RTL4: variants seen among roughly 807,000 people sequenced by gnomAD.
RTL4 encodes the protein retrotransposon Gag-like protein 4.
Under a neutral mutation model 5.3 loss-of-function variants are expected in RTL4, and 4 were observed. That is an observed-to-expected ratio of 0.75 (90% CI 0.37 to 1.72). The LOEUF (loss-of-function observed/expected upper bound fraction) is 1.72, where lower values mean the gene tolerates loss of function less well. RTL4 is among the 40% of genes most tolerant of loss of function. RTL4 has a pLI of 0.04. For missense variants in RTL4, 260 were observed against 227.1 expected, an observed-to-expected ratio of 1.14 and a Z score of -0.93; for synonymous variants, 98 against 87.3, an observed-to-expected ratio of 1.12 and a Z score of -0.68.
chrX:112,327,322 G>A, the RTL4 span, among the ~76,000 whole-genome samples: 1 of 112,151 alleles, frequency 8.9e-6, no homozygotes, highest in African/African-American at 3.2e-5. Context: ...GGAGCTGATG[G>A]AGCTGAAAAC....
the RTL4 span, among the ~76,000 whole-genome samples, chrX:112,171,419 C>G: frequency 1.8e-5 from 2 of 111,700 alleles, no homozygotes; most frequent in South Asian, 3.7e-4. Context: ...TTATTAATGC[C>G]TCAATTTCAG....
chrX:112,332,059 G>A, the RTL4 span, among the ~76,000 whole-genome samples: 1 of 109,568 alleles, frequency 9.1e-6, no homozygotes, highest in Non-Finnish European at 1.9e-5. Context: ...CCTAATGCTA[G>A]ATGGTGAGTT....
At chrX:112,146,638 G>T in the RTL4 span, among the ~76,000 whole-genome samples, 2 of 110,097 alleles carry the variant, frequency 1.8e-5, no homozygotes, top group African/African-American at 6.6e-5. Context: ...CAGGAGGTCA[G>T]TGAGGTAGGA....
chrX:112,286,334 G>A, the RTL4 span, among the ~76,000 whole-genome samples: 1 of 112,018 alleles, frequency 8.9e-6, no homozygotes, highest in African/African-American at 3.2e-5. Context: ...GAGGTAGCCA[G>A]GAGCCAGATC....
the RTL4 span, among the ~76,000 whole-genome samples, chrX:112,406,503 T>A: frequency 9.0e-6 from 1 of 110,914 alleles, no homozygotes; most frequent in African/African-American, 3.3e-5. Context: ...AAGGGGACGG[T>A]GCTAAACCAT....
At chrX:112,382,751 T>C in the RTL4 span, among the ~76,000 whole-genome samples, 1 of 111,834 alleles carries the variant, frequency 8.9e-6, no homozygotes, top group African/African-American at 3.2e-5. Context: ...GTAGCTCCTT[T>C]TAGTTTTCTT....
At chrX:112,373,596 T>G in the RTL4 span, among the ~76,000 whole-genome samples, 1 of 110,443 alleles carries the variant, frequency 9.1e-6, no homozygotes, top group Non-Finnish European at 1.9e-5. Context: ...AAGTCCAATT[T>G]ATTGAAGTTT....
chrX:112,442,244 CTT>C, the RTL4 span, among the ~76,000 whole-genome samples: 6 of 98,374 alleles, frequency 6.1e-5, no homozygotes, highest in Non-Finnish European at 4.1e-5. Flanking sequence ...ATTTACATTT[CTT>C]TTTTTTTTTT....
the RTL4 span, among the ~76,000 whole-genome samples, chrX:112,294,312 C>G: frequency 9.0e-6 from 1 of 111,121 alleles, no homozygotes; most frequent in East Asian, 2.8e-4. Flanking sequence ...AAATATCAAC[C>G]AAGGCCAGGC....
the RTL4 span, among the ~76,000 whole-genome samples, chrX:112,227,331 C>T: frequency 6.3e-5 from 7 of 111,787 alleles, no homozygotes; most frequent in Admixed American, 9.5e-5. Context: ...ACCAGTATAT[C>T]AAAACTCGCT....
the RTL4 span, among the ~76,000 whole-genome samples, chrX:112,393,152 T>TTTG: frequency 1.0e-5 from 1 of 96,527 alleles, no homozygotes; most frequent in African/African-American, 4.9e-5. Flanking sequence ...TCTTTCTTTT[T>TTTG]TTTTTTTTGT....
the RTL4 span, among the ~76,000 whole-genome samples, chrX:112,326,512 G>A: frequency 8.9e-5 from 10 of 111,882 alleles, no homozygotes; most frequent in Non-Finnish European, 1.5e-4. Flanking sequence ...CTACGCCCAC[G>A]GAGTCTTTGC....
the RTL4 span, among the ~76,000 whole-genome samples, chrX:112,098,323 T>G: frequency 0.15 from 16,254 of 110,435 alleles, 1,771 homozygotes; most frequent in African/African-American, 0.37. Context: ...TATTCCATGG[T>G]GTATATGTGC....
chrX:112,104,884 C>A, the RTL4 span, among the ~76,000 whole-genome samples: 2 of 111,726 alleles, frequency 1.8e-5, no homozygotes, highest in Non-Finnish European at 3.8e-5. Flanking sequence ...CTCTGCAGAA[C>A]CTTTCAGTTT....
the RTL4 span, among the ~76,000 whole-genome samples, chrX:112,284,587 T>C: frequency 9.0e-6 from 1 of 111,356 alleles, no homozygotes; most frequent in African/African-American, 3.3e-5. Flanking sequence ...CCAAGTACCA[T>C]TCTATGGCCT....
chrX:112,084,013 T>G, the RTL4 span, among the ~76,000 whole-genome samples: 2 of 111,434 alleles, frequency 1.8e-5, no homozygotes, highest in African/African-American at 6.5e-5. Flanking sequence ...CTGAAAACCT[T>G]TCCCTACCCA....
the RTL4 span, among the ~76,000 whole-genome samples, chrX:112,134,240 C>T: frequency 2.7e-5 from 3 of 111,872 alleles, no homozygotes; most frequent in Admixed American, 2.8e-4. Flanking sequence ...ACCCCTCCAA[C>T]CATATACTCT....
the RTL4 span, among the ~76,000 whole-genome samples, chrX:112,261,939 G>A: frequency 9.0e-6 from 1 of 111,690 alleles, no homozygotes; most frequent in South Asian, 3.7e-4. Context: ...ACAAGCAATG[G>A]GGAAAGGATT....
chrX:112,364,469 A>G, the RTL4 span, among the ~76,000 whole-genome samples: 6 of 112,195 alleles, frequency 5.3e-5, no homozygotes, highest in African/African-American at 1.9e-4. Flanking sequence ...ATTAGGCCTC[A>G]GAATCTTGGT....
Sources: gnomAD v4.1 joint callset for allele counts (sites outside exome capture counted in the v4.1 genomes callset) on GRCh38, gnomAD v4.1.1 for gene constraint, MANE v1.5 for transcripts, NCBI Gene and HGNC (gene_info 2026-07-23, HGNC 2026-07-21) for gene names.